ECT2: variants seen among roughly 807,000 people sequenced by gnomAD.
ECT2 encodes the protein protein ECT2.
A neutral mutation model predicts 116.9 loss-of-function variants in ECT2; 61 were observed. That is an observed-to-expected ratio of 0.52 (90% CI 0.42 to 0.65). The LOEUF (loss-of-function observed/expected upper bound fraction) is 0.65, where lower values mean the gene tolerates loss of function less well. Among genes scored for constraint, ECT2 ranks in the 30% least tolerant of loss-of-function variants. The pLI is 0.00. For missense variants in ECT2, 937 were observed against 1,078.7 expected, an observed-to-expected ratio of 0.87 and a Z score of 1.84; for synonymous variants, 358 against 346.4, an observed-to-expected ratio of 1.03 and a Z score of -0.37.
At chr3:172,811,765 C>T (rs1664830997) in intron 22 of ECT2, among the ~76,000 whole-genome samples, 1 of 151,972 alleles carries the variant, frequency 6.6e-6, no homozygotes, top group Admixed American at 6.6e-5. Context: ...GAGTAACTTA[C>T]CAATGTTTAG....
At chr3:172,782,828 A>G (rs2108676797) in intron 15 of ECT2, among the ~76,000 whole-genome samples, 1 of 151,392 alleles carries the variant, frequency 6.6e-6, no homozygotes, top group Admixed American at 6.6e-5. Context: ...GTTAAGGATG[A>G]TGCCCTCCAG....
chr3:172,771,153 G>A (rs774085451), intron 13 of ECT2: 11 of 151,914 alleles, frequency 7.2e-5, no homozygotes, highest in Non-Finnish European at 1.5e-4. Flanking sequence ...TTCCAAATTA[G>A]CACTGATTAT....
intron 6 of ECT2, 59 bp downstream of exon 6, chr3:172,759,128 G>T: frequency 3.1e-6 from 4 of 1,271,910 alleles, no homozygotes; most frequent in Non-Finnish European, 3.3e-6. Context: ...ATTAAAATTG[G>T]CTTTTTTTTC....
intron 13 of ECT2, among the ~76,000 whole-genome samples, chr3:172,770,135 T>A (rs1337895667): frequency 6.6e-6 from 1 of 152,226 alleles, no homozygotes; most frequent in Non-Finnish European, 1.5e-5. Context: ...TTTGCTGTAT[T>A]AGCTTTATTT....
intron 18 of ECT2, among the ~76,000 whole-genome samples, chr3:172,794,060 C>A (rs1725176658): frequency 6.6e-6 from 1 of 150,888 alleles, no homozygotes; most frequent in African/African-American, 2.4e-5. Context: ...TTGTTTTTTT[C>A]TTTTGACAAT....
intron 22 of ECT2, among the ~76,000 whole-genome samples, chr3:172,808,162 G>T (rs1728113875): frequency 6.6e-6 from 1 of 152,114 alleles, no homozygotes; most frequent in Non-Finnish European, 1.5e-5. Flanking sequence ...TATAGCCCCT[G>T]TGGCTCTGAT....
chr3:172,787,622 G>A (rs890156276), intron 18 of ECT2, among the ~76,000 whole-genome samples: 3 of 152,022 alleles, frequency 2.0e-5, no homozygotes, highest in Non-Finnish European at 4.4e-5. Flanking sequence ...CCAGGATAAC[G>A]GTATTGAGAC....
intron 12 of ECT2, among the ~76,000 whole-genome samples, chr3:172,766,133 C>T (rs1227639467): frequency 6.6e-6 from 1 of 152,080 alleles, no homozygotes; most frequent in Non-Finnish European, 1.5e-5. Flanking sequence ...AGTGGGTATT[C>T]ACTAAATACT....
chr3:172,823,481 A>G (rs765859718), downstream of ECT2, among the ~76,000 whole-genome samples: 8 of 152,178 alleles, frequency 5.3e-5, no homozygotes, highest in Non-Finnish European at 1.0e-4. Flanking sequence ...GGCTGTAGGT[A>G]AATGTACTCT....
intron 20 of ECT2, among the ~76,000 whole-genome samples, chr3:172,805,133 C>A (rs906615621): frequency 2.0e-5 from 3 of 152,022 alleles, no homozygotes; most frequent in Non-Finnish European, 4.4e-5. Context: ...TAGCCATCAT[C>A]CTATTTAATA....
intron 1 of ECT2, 47 bp from the exon 2 acceptor site, chr3:172,754,462 C>T: frequency 2.2e-6 from 3 of 1,365,996 alleles, no homozygotes; most frequent in Admixed American, 2.9e-5. Context: ...CTTACTTTTG[C>T]CCAATGACCA....
intron 18 of ECT2, among the ~76,000 whole-genome samples, chr3:172,792,281 T>C (rs1724809439): frequency 6.6e-6 from 1 of 152,158 alleles, no homozygotes; most frequent in South Asian, 2.1e-4. Flanking sequence ...AAAAATGACA[T>C]GATAGACCTA....
chr3:172,777,908 C>T (rs1722025147), intron 14 of ECT2, among the ~76,000 whole-genome samples: 1 of 152,100 alleles, frequency 6.6e-6, no homozygotes, highest in Non-Finnish European at 1.5e-5. Context: ...CAAAACTATG[C>T]AACTATGATG....
At chr3:172,826,712 C>A in the ECT2 span, among the ~76,000 whole-genome samples, 3 of 152,252 alleles carry the variant, frequency 2.0e-5, no homozygotes, top group Admixed American at 2.0e-4. Context: ...ATTGCCACTG[C>A]CTCCCAACCT....
At chr3:172,828,526 T>C in the ECT2 span, among the ~76,000 whole-genome samples, 6 of 151,976 alleles carry the variant, frequency 3.9e-5, no homozygotes, top group African/African-American at 1.5e-4. Flanking sequence ...GAAGTCTTGG[T>C]GTATTAAACC....
chr3:172,825,689 G>A (rs955888861), downstream of ECT2, among the ~76,000 whole-genome samples: 2 of 152,164 alleles, frequency 1.3e-5, no homozygotes, highest in African/African-American at 2.4e-5. Flanking sequence ...AGCTGCAGAA[G>A]CCTGAAGCTA....
At chr3:172,770,887 A>G (rs1720500319) in intron 13 of ECT2, among the ~76,000 whole-genome samples, 1 of 152,154 alleles carries the variant, frequency 6.6e-6, no homozygotes, top group African/African-American at 2.4e-5. Context: ...ATAATTACCA[A>G]ATGGAAGGTA....
chr3:172,751,999 T>C (rs1442286745), intron 1 of ECT2, among the ~76,000 whole-genome samples: 1 of 152,230 alleles, frequency 6.6e-6, no homozygotes, highest in Non-Finnish European at 1.5e-5. Flanking sequence ...AGGGGCAATT[T>C]TAATTATTAA....
rs770152655 is a variant in ECT2 at position 172,773,937 on chromosome 3, G to A, written c.1463G>A (p.Arg488His). 2 of 1,613,196 alleles carry A rather than the reference G, an allele frequency of 1.2e-6. No homozygotes were observed. The highest frequency in any genetic ancestry group is 1.7e-6 in the Non-Finnish European group (2 of 1,179,286). Reference sequence around the variant, plus strand: ...GTACCATTGGAAGAGGAAGGACAACGTGGTGGACCTATCCTTGCACCAGAG... The same window carrying A: ...GTACCATTGGAAGAGGAAGGACAACATGGTGGACCTATCCTTGCACCAGAG... Reference protein sequence around the residue: ...FQVPLEEEGQRGGPILAPEEI... With the variant: ...FQVPLEEEGQHGGPILAPEEI... Residue 488 changes from arginine to histidine, a missense_variant, in exon 14 of 25, where the codon CGT becomes CAT. By Grantham distance (29) the Arg-to-His change is conservative. Transcript: ENST00000392692.
Sources: gnomAD v4.1 joint callset for allele counts (sites outside exome capture counted in the v4.1 genomes callset) on GRCh38, gnomAD v4.1.1 for gene constraint, MANE v1.5 for transcripts, NCBI Gene and HGNC (gene_info 2026-07-23, HGNC 2026-07-21) for gene names.